The following ENTREP2 variants were observed in gnomAD, a reference collection of about 807,000 sequenced individuals.
The protein encoded by ENTREP2 is protein ENTREP2.
At chr15:29,640,438 G>A in the ENTREP2 span, among the ~76,000 whole-genome samples, 1 of 152,022 alleles carries the variant, frequency 6.6e-6, no homozygotes, top group African/African-American at 2.4e-5. Flanking sequence ...TGGGTGGATG[G>A]TCTGAGCTCA....
chr15:29,181,702 T>TAC, the ENTREP2 span, among the ~76,000 whole-genome samples: 1 of 152,138 alleles, frequency 6.6e-6, no homozygotes, highest in East Asian at 1.9e-4. Context: ...TATACATATA[T>TAC]ACACACACAT....
At chr15:29,180,603 G>T in the ENTREP2 span, among the ~76,000 whole-genome samples, 1 of 152,100 alleles carries the variant, frequency 6.6e-6, no homozygotes, top group African/African-American at 2.4e-5. Flanking sequence ...GACGGAGGTT[G>T]CAGTGAGCCG....
chr15:29,452,398 C>T, the ENTREP2 span, among the ~76,000 whole-genome samples: 1 of 152,238 alleles, frequency 6.6e-6, no homozygotes, highest in Non-Finnish European at 1.5e-5. Context: ...CCAGAAGCCT[C>T]TGAAACACCA....
At chr15:29,524,944 C>G in the ENTREP2 span, among the ~76,000 whole-genome samples, 52,800 of 152,174 alleles carry the variant, frequency 0.35, 9,279 homozygotes, top group East Asian at 0.42. Context: ...TTGTCCCTCC[C>G]CCTGTGCTCT....
At chr15:29,532,691 G>A in the ENTREP2 span, among the ~76,000 whole-genome samples, 1 of 152,158 alleles carries the variant, frequency 6.6e-6, no homozygotes, top group African/African-American at 2.4e-5. Context: ...AAAACTTTCT[G>A]TATATGCTAT....
At chr15:29,468,367 T>C in the ENTREP2 span, among the ~76,000 whole-genome samples, 1 of 152,028 alleles carries the variant, frequency 6.6e-6, no homozygotes, top group African/African-American at 2.4e-5. Context: ...TCCTAGCACT[T>C]TGGGAGGCCA....
At chr15:29,322,464 T>C in the ENTREP2 span, among the ~76,000 whole-genome samples, 2 of 152,192 alleles carry the variant, frequency 1.3e-5, no homozygotes, top group Non-Finnish European at 2.9e-5. Flanking sequence ...ATCTAAAAGA[T>C]AACTGTTTGC....
At chr15:29,674,369 A>G in the ENTREP2 span, among the ~76,000 whole-genome samples, 1 of 152,146 alleles carries the variant, frequency 6.6e-6, no homozygotes, top group African/African-American at 2.4e-5. Context: ...TTCCAGGCTC[A>G]AGCGATTCTC....
chr15:29,203,634 T>C, the ENTREP2 span, among the ~76,000 whole-genome samples: 3 of 152,196 alleles, frequency 2.0e-5, no homozygotes, highest in South Asian at 2.1e-4. Flanking sequence ...TTAAGCAATT[T>C]TGAAATATAC....
At chr15:29,527,308 A>C in the ENTREP2 span, among the ~76,000 whole-genome samples, 2 of 152,160 alleles carry the variant, frequency 1.3e-5, no homozygotes, top group Admixed American at 1.3e-4. Context: ...TGTGAGATCT[A>C]AGTAGATGTC....
chr15:29,547,158 G>C, the ENTREP2 span, among the ~76,000 whole-genome samples: 1 of 150,826 alleles, frequency 6.6e-6, no homozygotes, highest in Admixed American at 6.6e-5. Flanking sequence ...CGCAATTTCG[G>C]CTCACTACAC....
At chr15:29,424,443 C>CA in the ENTREP2 span, among the ~76,000 whole-genome samples, 1 of 152,142 alleles carries the variant, frequency 6.6e-6, no homozygotes, top group Non-Finnish European at 1.5e-5. Flanking sequence ...TAGCTGGACA[C>CA]AAAAGTTCTC....
the ENTREP2 span, among the ~76,000 whole-genome samples, chr15:29,198,740 C>CT: frequency 3.5e-3 from 530 of 152,328 alleles, 1 homozygote; most frequent in African/African-American, 0.012. Context: ...CTTGCTGCAC[C>CT]AAAAGCTCAC....
chr15:29,554,651 A>T, the ENTREP2 span, among the ~76,000 whole-genome samples: 1 of 152,200 alleles, frequency 6.6e-6, no homozygotes, highest in East Asian at 1.9e-4. Context: ...CTGAAGGAAA[A>T]TAAAAATCAG....
chr15:29,393,551 A>G, the ENTREP2 span, among the ~76,000 whole-genome samples: 24 of 152,184 alleles, frequency 1.6e-4, no homozygotes, highest in Admixed American at 1.4e-3. Flanking sequence ...GGAGTAGGGC[A>G]GTGGACCTTG....
the ENTREP2 span, among the ~76,000 whole-genome samples, chr15:29,263,649 G>A: frequency 2.6e-5 from 4 of 152,232 alleles, no homozygotes; most frequent in African/African-American, 9.7e-5. Flanking sequence ...ATTGCAAATG[G>A]CAGTATCAGT....
At chr15:29,556,795 C>T in the ENTREP2 span, among the ~76,000 whole-genome samples, 76 of 137,768 alleles carry the variant, frequency 5.5e-4, 1 homozygote, top group Non-Finnish European at 8.7e-4. Flanking sequence ...GATTCAGTTC[C>T]CCACCTGTGG....
chr15:29,439,322 CACACACACACAA>C, the ENTREP2 span, among the ~76,000 whole-genome samples: 125 of 149,916 alleles, frequency 8.3e-4, 1 homozygote, highest in East Asian at 5.8e-3. Flanking sequence ...CACACACACA[CACACACACACAA>C]ACAGTAGAGG....
the ENTREP2 span, among the ~76,000 whole-genome samples, chr15:29,378,372 G>A: frequency 6.6e-6 from 1 of 152,116 alleles, no homozygotes; most frequent in African/African-American, 2.4e-5. Flanking sequence ...AAAACTCTGC[G>A]GTGATGGTTC....
Sources: gnomAD v4.1 joint callset for allele counts (sites outside exome capture counted in the v4.1 genomes callset) on GRCh38, gnomAD v4.1.1 for gene constraint, MANE v1.5 for transcripts, NCBI Gene and HGNC (gene_info 2026-07-23, HGNC 2026-07-21) for gene names.